Variants in MGAT5B observed in about 807,000 individuals in gnomAD.
MGAT5B encodes the protein N-acetylglucosaminyl-transferase Vb.
A neutral mutation model predicts 95.1 loss-of-function variants in MGAT5B; 54 were observed. The observed-to-expected ratio is 0.57, with a 90% CI of 0.46 to 0.71. The LOEUF (loss-of-function observed/expected upper bound fraction) is 0.71. Ranked by LOEUF, MGAT5B falls within the 30% of genes least tolerant of loss-of-function variation. MGAT5B has a pLI of 0.00. For missense variants in MGAT5B, 935 were observed against 1,088.6 expected, an observed-to-expected ratio of 0.86 and a Z score of 1.99; for synonymous variants, 464 against 451.0, an observed-to-expected ratio of 1.03 and a Z score of -0.36.
chr17:76,939,448 A>T (rs1969795484), intron 13 of MGAT5B, among the ~76,000 whole-genome samples: 2 of 152,256 alleles, frequency 1.3e-5, no homozygotes, highest in Middle Eastern at 3.4e-3. Flanking sequence ...CGGGAGGCAG[A>T]GGTTGCAGTG....
intron 16 of MGAT5B, 50 bp downstream of exon 16, chr17:76,946,500 G>A (rs775080176): frequency 6.1e-6 from 9 of 1,477,878 alleles, no homozygotes; most frequent in African/African-American, 2.8e-5. Context: ...ACCAGAGGAG[G>A]GGGCTGAGCC....
intron 2 of MGAT5B, among the ~76,000 whole-genome samples, chr17:76,879,446 G>A (rs953102383): frequency 6.6e-6 from 1 of 152,194 alleles, no homozygotes; most frequent in African/African-American, 2.4e-5. Flanking sequence ...ACACCTTATG[G>A]GATGAAACAT....
chr17:76,873,854 C>T (rs1967089956), intron 2 of MGAT5B, among the ~76,000 whole-genome samples: 1 of 152,186 alleles, frequency 6.6e-6, no homozygotes, highest in Non-Finnish European at 1.5e-5. Context: ...TTCCCCTGCC[C>T]CTCTGGGGAA....
intron 16 of MGAT5B, 51 bp downstream of exon 16, chr17:76,946,501 G>T (rs746550811): frequency 1.4e-6 from 2 of 1,475,654 alleles, no homozygotes; most frequent in Middle Eastern, 1.8e-4. Context: ...CCAGAGGAGG[G>T]GGCTGAGCCA....
rs1037045443 is a variant in MGAT5B at position 76,906,686 on chromosome 17, G to A, written c.1025+499G>A. On this transcript the variant is annotated intron_variant, in intron 8 of 17. Coordinates refer to ENST00000569840, the MANE Select transcript of MGAT5B (RefSeq NM_001199172.2). The surrounding 1 kb of genome is among the most constrained non-coding windows in gnomAD (Gnocchi z 4.6). ...CACGGTCCCTTGGATGCTGTGGGAG[G>A]TGGAAGGGCAGTGATTAGAGGCTCC... 3.3e-5 allele frequency among the ~76,000 whole-genome samples: 5 copies of A among 152,130 alleles called. No individual in the cohort carries two copies. The highest frequency in any genetic ancestry group is 2.6e-4 in the Admixed American group (4 of 15,278).
chr17:76,941,502 C>T (rs1969862085), intron 15 of MGAT5B, among the ~76,000 whole-genome samples: 2 of 152,174 alleles, frequency 1.3e-5, no homozygotes, highest in African/African-American at 2.4e-5. Flanking sequence ...ACGAGAGAGC[C>T]TCCTCTCACT....
intron 8 of MGAT5B, among the ~76,000 whole-genome samples, chr17:76,920,541 CTCCAGGGGGT>C (rs1390091425): frequency 6.6e-6 from 1 of 152,202 alleles, no homozygotes; most frequent in African/African-American, 2.4e-5. Context: ...CCTCTCTGCT[CTCCAGGGGGT>C]GAGGCTCAGA....
intron 15 of MGAT5B, among the ~76,000 whole-genome samples, chr17:76,941,646 G>A (rs898315631): frequency 6.6e-6 from 1 of 152,214 alleles, no homozygotes; most frequent in Non-Finnish European, 1.5e-5. Context: ...GCTCACTTGA[G>A]GCCAGGAGTT....
rs941100140 is a variant in MGAT5B, at chr17:76,905,833, G to C, written c.856-185G>C. 8.7e-6 allele frequency among the ~76,000 whole-genome samples: 1 copy of C among 114,886 alleles called. No individual in the cohort carries two copies. The highest frequency in any genetic ancestry group is 1.0e-4 in the Admixed American group (1 of 9,914). 75.4% of individuals were successfully genotyped at this position (114,886 alleles called of 152,430 possible). A position where few individuals can be genotyped will look rare whatever the true frequency, so the allele number is the denominator to read the frequency against. On this transcript the variant is annotated intron_variant, in intron 7 of 17. Coordinates refer to ENST00000569840, the MANE Select transcript of MGAT5B (RefSeq NM_001199172.2). The surrounding 1 kb of genome is among the most constrained non-coding windows in gnomAD (Gnocchi z 4.2). ...ACATTAGCTCCATGAGGGCAAGCAC[G>C]TGACTATCTTGTTCGCCCGTGTCCC...
At chr17:76,923,425 C>T (rs1969185327) in intron 8 of MGAT5B, among the ~76,000 whole-genome samples, 1 of 152,142 alleles carries the variant, frequency 6.6e-6, no homozygotes, top group Admixed American at 6.5e-5. Context: ...GGTGGGCATC[C>T]CCGGGAGATG....
intron 8 of MGAT5B, among the ~76,000 whole-genome samples, chr17:76,919,442 A>G (rs1256351567): frequency 6.6e-6 from 1 of 152,102 alleles, no homozygotes; most frequent in East Asian, 1.9e-4. Flanking sequence ...AATTATTCGT[A>G]TTTTTAAGAC....
chr17:76,934,612 T>C (rs957406056), intron 12 of MGAT5B, among the ~76,000 whole-genome samples: 3 of 151,826 alleles, frequency 2.0e-5, no homozygotes, highest in Non-Finnish European at 4.4e-5. Flanking sequence ...GAGGGCAGAG[T>C]CGGAGGGTCG....
intron 15 of MGAT5B, among the ~76,000 whole-genome samples, chr17:76,941,598 C>T (rs933301379): frequency 3.3e-5 from 5 of 152,200 alleles, no homozygotes; most frequent in Admixed American, 2.0e-4. Context: ...TGGTGGCTCC[C>T]GCCTGTAATC....
chr17:76,880,237 C>A (rs142555331), intron 2 of MGAT5B, among the ~76,000 whole-genome samples: 139 of 152,208 alleles, frequency 9.1e-4, no homozygotes, highest in African/African-American at 3.1e-3. Context: ...GAGCCAGGAG[C>A]CCTGTGTCTT....
chr17:76,896,517 G>A (rs1273603939), intron 3 of MGAT5B, among the ~76,000 whole-genome samples: 1 of 152,208 alleles, frequency 6.6e-6, no homozygotes, highest in Non-Finnish European at 1.5e-5. Context: ...TCCCTGGGGA[G>A]CAAAAGCATA....
At chr17:76,936,725 C>A (rs1368423145) in intron 12 of MGAT5B, among the ~76,000 whole-genome samples, 1 of 152,280 alleles carries the variant, frequency 6.6e-6, no homozygotes, top group African/African-American at 2.4e-5. Context: ...ATGTTTTGCA[C>A]CTTTGTCGAA....
rs758394238 is a variant in MGAT5B, at chr17:76,906,060, G to T, written c.898G>T (p.Val300Leu). Residue 300 changes from valine to leucine, a missense_variant, in exon 8 of 18, where the codon GTG becomes TTG. Physicochemically the swap from Val to Leu is conservative, Grantham distance 32. Around this residue, in one of 4 missense-constraint regions of MGAT5B, gnomAD observed 243 missense variants for 305.5 expected, o/e 0.80. Coordinates refer to ENST00000569840, the MANE Select transcript of MGAT5B (RefSeq NM_001199172.2). The surrounding 1 kb of genome is among the most constrained non-coding windows in gnomAD (Gnocchi z 4.6). ...IGFLTEESGDVFSPRVLKGGP... is the reference protein window; with the variant it reads ...IGFLTEESGDLFSPRVLKGGP... ...CTTCCTGACGGAGGAGTCCGGGGAC[G>T]TGTTCAGCCCTCGGGTCCTGAAGGG... is the stretch of plus-strand genomic sequence containing the variant. The T allele has an allele frequency of 6.2e-7, 1 of 1,609,198 alleles. No individual in the cohort carries two copies. Among genetic ancestry groups the T allele is most frequent in the Non-Finnish European group, 8.5e-7 (1 of 1,177,842 alleles).
chr17:76,913,721 G>A (rs769743895), intron 8 of MGAT5B: 1 of 508,686 alleles, frequency 2.0e-6, no homozygotes, highest in Non-Finnish European at 3.9e-6. Flanking sequence ...AGTCATGGGT[G>A]CCTGTGAGAA....
intron 1 of MGAT5B, chr17:76,872,607 T>G: frequency 7.0e-7 from 1 of 1,433,418 alleles, no homozygotes; most frequent in Non-Finnish European, 9.1e-7. Flanking sequence ...CATGCCTAAG[T>G]GTGCGTCATT....
Sources: gnomAD v4.1 joint callset for allele counts (sites outside exome capture counted in the v4.1 genomes callset) on GRCh38, gnomAD v4.1.1 for gene constraint, gnomAD v4.1.1 regional missense constraint, Gnocchi (gnomAD v3.1) non-coding constraint, MANE v1.5 for transcripts, NCBI Gene and HGNC (gene_info 2026-07-23, HGNC 2026-07-21) for gene names.